The following RTN3 variants were observed in gnomAD, a reference collection of about 807,000 sequenced individuals.
The protein encoded by RTN3 is reticulon-3.
In RTN3, 49 loss-of-function variants were observed where a neutral mutation model predicts 77.8. The ratio of observed to expected loss-of-function variants is 0.63; its 90% CI spans 0.50 to 0.80. The LOEUF (loss-of-function observed/expected upper bound fraction) is 0.80, where lower values mean the gene tolerates loss of function less well. RTN3 is among the 30% of genes least tolerant of loss of function. The pLI, the probability that RTN3 is intolerant of heterozygous loss-of-function variation, is 0.00. For missense variants in RTN3, 1,236 were observed against 1,211.9 expected (o/e 1.02, Z -0.29); for synonymous variants, 464 against 446.9 (o/e 1.04, Z -0.48).
At chr11:63,725,317 T>A (rs1354288828) in intron 3 of RTN3, among the ~76,000 whole-genome samples, 1 of 152,258 alleles carries the variant, frequency 6.6e-6, no homozygotes, top group Non-Finnish European at 1.5e-5. Context: ...TATAATTTAT[T>A]CATTTTAACA....
rs371368744 is a variant in RTN3, at chr11:63,720,917, T to C, written c.2415T>C (p.Ile805=). The C allele has an allele frequency of 4.1e-5, 66 of 1,614,014 alleles. No individual in the cohort carries two copies. Among genetic ancestry groups the C allele is most frequent in the Middle Eastern group, 3.3e-4 (2 of 6,084 alleles). ...TCAAGAATGGATCTGATCTTGGGATTTCCCAGAAGCCCATCACTATCAGAG... is the reference window on the plus strand; with the variant it reads ...TCAAGAATGGATCTGATCTTGGGATCTCCCAGAAGCCCATCACTATCAGAG... ...RNVKNGSDLG[I]SQKPITIRET... Residue 805 remains isoleucine, a synonymous_variant, in exon 3 of 9, where the codon ATT becomes ATC. Coordinates refer to ENST00000377819, the MANE Select transcript of RTN3 (RefSeq NM_001265589.2).
intron 7 of RTN3, among the ~76,000 whole-genome samples, chr11:63,754,854 G>A (rs1289117756): frequency 6.6e-6 from 1 of 151,076 alleles, no homozygotes; most frequent in South Asian, 2.1e-4. Context: ...CATGAACCTG[G>A]GAGGTGGAGC....
At chr11:63,714,405 T>C (rs2011276560) in intron 2 of RTN3, 1 of 154,720 alleles carries the variant, frequency 6.5e-6, no homozygotes, top group Non-Finnish European at 1.4e-5. Context: ...AAATAGTAAG[T>C]TATAATATTT....
intron 3 of RTN3, among the ~76,000 whole-genome samples, chr11:63,741,614 C>T (rs1398178202): frequency 2.0e-5 from 3 of 151,288 alleles, no homozygotes; most frequent in Non-Finnish European, 3.0e-5. Flanking sequence ...ATTCTACTGC[C>T]TCAGCCTCCC....
At chr11:63,704,027 G>A (rs1942377479) in intron 1 of RTN3, among the ~76,000 whole-genome samples, 1 of 149,592 alleles carries the variant, frequency 6.7e-6, no homozygotes, top group Non-Finnish European at 1.5e-5. Context: ...TTTTGAGAAG[G>A]AGTCTCACTC....
chr11:63,741,186 G>GTTAT (rs960286751), intron 3 of RTN3, among the ~76,000 whole-genome samples: 7 of 151,042 alleles, frequency 4.6e-5, no homozygotes, highest in African/African-American at 9.7e-5. Context: ...TTTTATTATA[G>GTTAT]TTATTTATTT....
At chr11:63,725,956 G>A (rs1357222488) in intron 3 of RTN3, among the ~76,000 whole-genome samples, 3 of 152,078 alleles carry the variant, frequency 2.0e-5, no homozygotes, top group Non-Finnish European at 1.5e-5. Context: ...GATGGTGGGT[G>A]CTAAAGTGGA....
At chr11:63,723,632 C>T (rs940873749) in intron 3 of RTN3, among the ~76,000 whole-genome samples, 1 of 152,020 alleles carries the variant, frequency 6.6e-6, no homozygotes, top group Non-Finnish European at 1.5e-5. Context: ...ACCATGTTGG[C>T]CAGGCTGGTC....
rs1425368116 is a variant in RTN3 at position 63,752,628 on chromosome 11, CT to C, written c.2861del (p.Leu954ArgfsTer5). The C allele has an allele frequency of 6.2e-7, 1 of 1,613,826 alleles. No individual in the cohort carries two copies. The highest frequency in any genetic ancestry group is 8.5e-7 in the Non-Finnish European group (1 of 1,179,946). On this transcript the variant is annotated frameshift_variant, in exon 5 of 9. Transcript: ENST00000377819. LOFTEE classifies it high-confidence loss of function. ...TATTCGTCTCTTTCTGGTAGAAGAT[CT>C]GGTTGACTCCTTGAAGGTTAGTTGT... ...LIIRLFLVED[L>X]VDSLKLAVFM...
At chr11:63,683,461 G>T (rs964283179) in intron 1 of RTN3, among the ~76,000 whole-genome samples, 9 of 152,156 alleles carry the variant, frequency 5.9e-5, no homozygotes, top group Non-Finnish European at 1.3e-4. Context: ...CTCAAGATAA[G>T]ACAGATGTTA....
At chr11:63,706,713 A>G (rs1942509575) in intron 2 of RTN3, among the ~76,000 whole-genome samples, 1 of 152,122 alleles carries the variant, frequency 6.6e-6, no homozygotes, top group South Asian at 2.1e-4. Flanking sequence ...ACTTGACAAT[A>G]TTTTTATTTT....
At chr11:63,729,483 T>G (rs2012536994) in intron 3 of RTN3, among the ~76,000 whole-genome samples, 2 of 136,898 alleles carry the variant, frequency 1.5e-5, no homozygotes, top group Admixed American at 1.5e-4. Flanking sequence ...AGGATCTGGC[T>G]CTGTGGCTCT....
chr11:63,730,803 G>A (rs1337249658), intron 3 of RTN3, among the ~76,000 whole-genome samples: 3 of 152,106 alleles, frequency 2.0e-5, no homozygotes, highest in Non-Finnish European at 4.4e-5. Flanking sequence ...TGGTGACAGA[G>A]TGAGACCCTG....
intron 3 of RTN3, among the ~76,000 whole-genome samples, chr11:63,723,581 G>A (rs1191485712): frequency 1.3e-5 from 2 of 151,698 alleles, no homozygotes; most frequent in South Asian, 2.1e-4. Context: ...GTGCCACCAC[G>A]CCCAGCTAAT....
chr11:63,685,158 A>G lies in RTN3; in HGVS notation c.142+3380A>G, dbSNP rs779288412. 3.1e-4 allele frequency among the ~76,000 whole-genome samples: 47 copies of G among 152,220 alleles called. 1 individual carries two copies. Among genetic ancestry groups the G allele is most frequent in the Admixed American group, 6.5e-4 (10 of 15,284 alleles). The stretch of plus-strand genomic sequence containing the variant: ...TTGGTGGGCCCAATGCAAGATCCTC[A>G]TTTGTTGGGTCACTACTTGAACATA... On this transcript the variant is annotated intron_variant, in intron 1 of 8. Transcript: ENST00000377819.
At position 63,740,833 on chromosome 11, in the gene RTN3, T is replaced by C. The variant is rs138149618; in HGVS notation, c.2531-9158T>C. On this transcript the variant is annotated intron_variant, in intron 3 of 8. Coordinates refer to ENST00000377819, the MANE Select transcript of RTN3 (RefSeq NM_001265589.2). ...TTTTCTGTTACAATTGTAGCAGAGG[T>C]TGGCAGTCAAATGAATAATAATAGC... 1.2e-3 allele frequency among the ~76,000 whole-genome samples: 180 copies of C among 152,278 alleles called. 1 individual carries two copies. The highest frequency in any genetic ancestry group is 4.1e-3 in the African/African-American group (172 of 41,546).
At chr11:63,757,260 C>T (rs933716778) in intron 8 of RTN3, among the ~76,000 whole-genome samples, 1 of 152,172 alleles carries the variant, frequency 6.6e-6, no homozygotes, top group Non-Finnish European at 1.5e-5. Flanking sequence ...ATCTTTATGA[C>T]TCCCTATATC....
At chr11:63,750,453 T>A in intron 4 of RTN3, 1 of 438,470 alleles carries the variant, frequency 2.3e-6, no homozygotes, top group Non-Finnish European at 4.1e-6. Context: ...AGACTCTAAA[T>A]TCTTTTTTTT....
intron 3 of RTN3, among the ~76,000 whole-genome samples, chr11:63,725,625 T>C (rs2012205075): frequency 6.6e-6 from 1 of 152,266 alleles, no homozygotes; most frequent in Admixed American, 6.5e-5. Context: ...ATTTTATTTT[T>C]GTATTTTTAG....
Sources: allele counts gnomAD v4.1 joint callset (sites outside exome capture counted in the v4.1 genomes callset), GRCh38; gene constraint gnomAD v4.1.1; transcripts MANE v1.5; gene names NCBI Gene and HGNC (gene_info 2026-07-23, HGNC 2026-07-21).